Variants in NUP107 observed in about 807,000 individuals in gnomAD.
NUP107 encodes the protein nuclear pore complex protein Nup107.
A neutral mutation model predicts 141.0 loss-of-function variants in NUP107; 101 were observed. That is an observed-to-expected ratio of 0.72 (90% confidence interval 0.61 to 0.84). The LOEUF is 0.84. Among genes scored for constraint, NUP107 ranks in the 40% least tolerant of loss-of-function variants. The pLI, the probability that NUP107 is intolerant of heterozygous loss-of-function variation, is 0.00. For missense variants in NUP107, 941 were observed against 1,102.7 expected (o/e 0.85, Z 2.08); for synonymous variants, 319 against 363.9 (o/e 0.88, Z 1.41).
chr12:68,702,846 A>ATTTT, intron 8 of NUP107, 62 bp downstream of exon 8: 7 of 757,796 alleles, frequency 9.2e-6, no homozygotes, highest in South Asian at 4.2e-5. Flanking sequence ...TACTAATAGG[A>ATTTT]TTTTTTTTTT....
At chr12:68,699,036 G>A (rs1365983734) in intron 6 of NUP107, among the ~76,000 whole-genome samples, 1 of 152,114 alleles carries the variant, frequency 6.6e-6, no homozygotes, top group African/African-American at 2.4e-5. Flanking sequence ...TGTGGGGGAA[G>A]AGATATTTGG....
At chr12:68,722,260 C>A in intron 17 of NUP107, 108 bp downstream of exon 17, 1 of 795,112 alleles carries the variant, frequency 1.3e-6, no homozygotes, top group Non-Finnish European at 1.9e-6. Context: ...TTTTTCTCAC[C>A]TATTAAAATA....
At chr12:68,740,264 C>G (rs980455071) in intron 26 of NUP107, 1 of 152,198 alleles carries the variant, frequency 6.6e-6, no homozygotes, top group African/African-American at 2.4e-5. Context: ...CAGAAAGAAG[C>G]AGTTCTCTTA....
At chr12:68,715,873 C>A (rs998582036) in intron 12 of NUP107, 133 bp downstream of exon 12, 3 of 542,406 alleles carry the variant, frequency 5.5e-6, no homozygotes, top group African/African-American at 1.9e-5. Flanking sequence ...GATCTAACTT[C>A]CTGTTCGAAC....
intron 24 of NUP107, 66 bp from the exon 25 acceptor site, chr12:68,734,642 T>C (rs1030039073): frequency 8.2e-7 from 1 of 1,215,554 alleles, no homozygotes; most frequent in Non-Finnish European, 1.1e-6. Context: ...TTAAAAATGT[T>C]GGTGAAACGA....
At chr12:68,732,861 T>G in intron 23 of NUP107, 122 bp downstream of exon 23, 1 of 548,226 alleles carries the variant, frequency 1.8e-6, no homozygotes, top group Non-Finnish European at 3.1e-6. Flanking sequence ...TAAAAAATTT[T>G]TTCTAGAGAT....
chr12:68,691,648 AC>A (rs1326132633), intron 4 of NUP107, among the ~76,000 whole-genome samples: 1 of 152,172 alleles, frequency 6.6e-6, no homozygotes, highest in Non-Finnish European at 1.5e-5. Flanking sequence ...AGCCTGGCCA[AC>A]ATGGTGAAAC....
intron 20 of NUP107, among the ~76,000 whole-genome samples, chr12:68,730,641 AGAG>A (rs1203624852): frequency 3.3e-5 from 5 of 152,226 alleles, no homozygotes; most frequent in African/African-American, 1.2e-4. Flanking sequence ...GTGCAGTTTA[AGAG>A]CCAACTGTAC....
At chr12:68,717,734 A>G (rs1318454838) in intron 12 of NUP107, among the ~76,000 whole-genome samples, 1 of 152,192 alleles carries the variant, frequency 6.6e-6, no homozygotes, top group Non-Finnish European at 1.5e-5. Context: ...TATAGGTAGA[A>G]TCATACAATG....
At chr12:68,709,382 G>T in intron 9 of NUP107, 73 bp downstream of exon 9, 3 of 792,520 alleles carry the variant, frequency 3.8e-6, no homozygotes, top group South Asian at 3.7e-5. Context: ...GTACTGAAGT[G>T]TTTTTTAACT....
Position 68,710,088 on chromosome 12 carries a change from A to C in NUP107, c.885A>C (p.Val295=), listed in dbSNP as rs375091871. ...SDNIEFYAKS[V]YWENTLHTLK... ...ATATTGAGTTTTATGCAAAATCAGT[A>C]TATTGGTAAGTTACCAAACTTTAAT... The change falls in exon 10 of 28, where the codon GTA becomes GTC. Residue 295 remains valine, a synonymous_variant. Coordinates refer to ENST00000229179, the MANE Select transcript of NUP107 (RefSeq NM_020401.4). 7 of 1,501,198 alleles carry C rather than the reference A, an allele frequency of 4.7e-6. No individual in the cohort carries two copies. The African/African-American group carries it at 9.6e-5, about 21-fold the overall frequency. 93.0% of individuals were successfully genotyped at this position (1,501,198 alleles called of 1,614,324 possible).
Position 68,691,967 on chromosome 12 carries a change from G to A in NUP107, c.304-1G>A. 1.3e-6 allele frequency: 2 copies of A among 1,578,680 alleles called. No homozygotes were observed. The highest frequency in any genetic ancestry group is 1.7e-6 in the Non-Finnish European group (2 of 1,169,362). On this transcript the variant is annotated splice_acceptor_variant, in intron 4 of 27. Transcript: ENST00000229179. LOFTEE classifies it high-confidence loss of function. ...TTTTTACTTTTTTGTTTTTTTTTAA[G>A]GTTACTAATCTGGATGACAGTAACT...
intron 8 of NUP107, chr12:68,707,209 G>T: frequency 2.5e-6 from 1 of 406,226 alleles, no homozygotes; most frequent in Non-Finnish European, 4.4e-6. Flanking sequence ...GGAGTTTACT[G>T]CCTGGGGTAC....
intron 7 of NUP107, 60 bp from the exon 8 acceptor site, chr12:68,702,676 G>T: frequency 8.4e-7 from 1 of 1,189,362 alleles, no homozygotes; most frequent in Non-Finnish European, 1.2e-6. Flanking sequence ...GATGCTCAGT[G>T]GCAAGTTCAT....
At position 68,688,979 on chromosome 12, in the gene NUP107, TATC is replaced by T. The variant is rs1875641883; in HGVS notation, c.30_32del (p.Ser11del). 3.1e-6 allele frequency: 5 copies of T among 1,613,428 alleles called. No homozygotes were observed. Among genetic ancestry groups the T allele is most frequent in the South Asian group, 2.2e-5 (2 of 91,030 alleles). On this transcript the variant is annotated inframe_deletion, in exon 2 of 28. Transcript: ENST00000229179. Reference sequence around the variant, plus strand: ...TACTTTAGGAGTGGCTTTGGAGAGATATCATCCCCTGTAATCCGGGAGGCAGAG... The same window carrying T: ...TACTTTAGGAGTGGCTTTGGAGAGATATCCCCTGTAATCCGGGAGGCAGAG...
chr12:68,687,978 A>G (rs1875588410), intron 1 of NUP107, among the ~76,000 whole-genome samples: 1 of 152,150 alleles, frequency 6.6e-6, no homozygotes, highest in Non-Finnish European at 1.5e-5. Flanking sequence ...CAGGTGCTCA[A>G]GGGGGCAAAT....
At position 68,690,635 on chromosome 12, in the gene NUP107, C is replaced by T; in HGVS notation, c.192C>T (p.Thr64=). The change falls in exon 4 of 28, where the codon ACC becomes ACT. Residue 64 remains threonine (T), a synonymous_variant. Transcript: ENST00000229179. The part of the protein sequence containing the change: ...RTPSSFRQPF[T]PTSRSLLRQP... ...CTACCAACCTTTTGTTTATAGTTAC[C>T]CCAACAAGCCGAAGCTTACTAAGGC... is the stretch of plus-strand genomic sequence containing the variant. 1 of 1,614,014 alleles carries T rather than the reference C, an allele frequency of 6.2e-7. No individual in the cohort carries two copies. Among genetic ancestry groups the T allele is most frequent in the Non-Finnish European group, 8.5e-7 (1 of 1,179,978 alleles).
intron 26 of NUP107, among the ~76,000 whole-genome samples, chr12:68,739,255 C>T (rs1565705860): frequency 1.3e-5 from 2 of 152,210 alleles, no homozygotes; most frequent in Non-Finnish European, 2.9e-5. Context: ...TTCTTCATAG[C>T]ACTTAGCACA....
At chr12:68,719,024 G>A (rs1877238272) in intron 12 of NUP107, among the ~76,000 whole-genome samples, 1 of 152,136 alleles carries the variant, frequency 6.6e-6, no homozygotes, top group African/African-American at 2.4e-5. Context: ...GAGTAGCTGG[G>A]ATTACAGGTG....
Sources: allele counts gnomAD v4.1 joint callset (sites outside exome capture counted in the v4.1 genomes callset), GRCh38; gene constraint gnomAD v4.1.1; transcripts MANE v1.5; gene names NCBI Gene and HGNC (gene_info 2026-07-23, HGNC 2026-07-21).